FAF1: variants seen among roughly 807,000 people sequenced by gnomAD.
The protein encoded by FAF1 is Fas associated factor 1, also known as FAS-associated factor 1.
Under a neutral mutation model 92.5 loss-of-function variants are expected in FAF1, and 25 were observed. That is an observed-to-expected ratio of 0.27 (90% CI 0.20 to 0.38). The LOEUF (loss-of-function observed/expected upper bound fraction) is 0.38. FAF1 is among the 10% of genes least tolerant of loss of function. FAF1 has a pLI of 1.00. For missense variants in FAF1, 636 were observed against 793.3 expected (o/e 0.80, Z 2.38); for synonymous variants, 234 against 273.2 (o/e 0.86, Z 1.42).
At chr1:50,507,330 A>G (rs1472416099) in intron 15 of FAF1, among the ~76,000 whole-genome samples, 1 of 152,202 alleles carries the variant, frequency 6.6e-6, no homozygotes, top group Non-Finnish European at 1.5e-5. Flanking sequence ...TCTGCCCCCA[A>G]AGCTAAATTG....
At chr1:50,720,199 G>A (rs1348715802) in intron 6 of FAF1, among the ~76,000 whole-genome samples, 1 of 151,950 alleles carries the variant, frequency 6.6e-6, no homozygotes, top group Non-Finnish European at 1.5e-5. Context: ...ACGGGGGTTT[G>A]CCATGTTGGC....
intron 7 of FAF1, among the ~76,000 whole-genome samples, chr1:50,692,240 A>AGTGTGTGTGTGTGT (rs1557478161): frequency 1.5e-5 from 1 of 66,880 alleles, no homozygotes; most frequent in African/African-American, 5.7e-5. Context: ...TGAAGTATTT[A>AGTGTGTGTGTGTGT]CTGTGTGTGT....
intron 15 of FAF1, among the ~76,000 whole-genome samples, chr1:50,501,361 T>C (rs1646981747): frequency 1.3e-5 from 2 of 152,072 alleles, no homozygotes; most frequent in Admixed American, 1.3e-4. Context: ...TATTAGAATG[T>C]CTCAGTTTAA....
chr1:50,508,775 C>A (rs1198442075), intron 15 of FAF1, among the ~76,000 whole-genome samples: 1 of 152,220 alleles, frequency 6.6e-6, no homozygotes, highest in Non-Finnish European at 1.5e-5. Flanking sequence ...AATCTCAGCT[C>A]ACTGCAACCT....
intron 7 of FAF1, among the ~76,000 whole-genome samples, chr1:50,661,590 C>T (rs764147278): frequency 7.9e-5 from 12 of 152,000 alleles, no homozygotes; most frequent in Non-Finnish European, 1.8e-4. Context: ...GAGCTTAGAC[C>T]GAATTTTAAA....
At chr1:50,815,027 T>A (rs965789517) in intron 2 of FAF1, among the ~76,000 whole-genome samples, 1 of 152,192 alleles carries the variant, frequency 6.6e-6, no homozygotes, top group Non-Finnish European at 1.5e-5. Context: ...CACTTCTGGG[T>A]ATACAATAAA....
chr1:50,507,144 C>G (rs1002350791), intron 15 of FAF1, among the ~76,000 whole-genome samples: 4 of 152,140 alleles, frequency 2.6e-5, no homozygotes, highest in African/African-American at 9.7e-5. Flanking sequence ...GGGCAGGGCA[C>G]TTAGTAGGTA....
intron 13 of FAF1, among the ~76,000 whole-genome samples, chr1:50,561,654 C>T (rs940258021): frequency 6.6e-6 from 1 of 152,092 alleles, no homozygotes; most frequent in African/African-American, 2.4e-5. Context: ...GGTGAAACCC[C>T]ATCTCTACCA....
intron 18 of FAF1, among the ~76,000 whole-genome samples, chr1:50,473,787 A>ATCC (rs780453268): frequency 4.6e-4 from 70 of 152,270 alleles, no homozygotes; most frequent in South Asian, 8.3e-4. Flanking sequence ...AAGTGGCAAG[A>ATCC]TCCTCATTCC....
At chr1:50,663,003 G>A (rs899732957) in intron 7 of FAF1, among the ~76,000 whole-genome samples, 1 of 151,566 alleles carries the variant, frequency 6.6e-6, no homozygotes, top group Non-Finnish European at 1.5e-5. Context: ...CCATGAATTT[G>A]TATCTTTAGT....
intron 2 of FAF1, among the ~76,000 whole-genome samples, chr1:50,847,887 A>C (rs549005984): frequency 2.8e-4 from 43 of 151,682 alleles, no homozygotes; most frequent in Admixed American, 7.3e-4. Flanking sequence ...ATGCACACAT[A>C]TACACACACA....
intron 18 of FAF1, among the ~76,000 whole-genome samples, chr1:50,446,405 C>T (rs965705310): frequency 6.6e-6 from 1 of 152,206 alleles, no homozygotes; most frequent in African/African-American, 2.4e-5. Flanking sequence ...ATGCTCAAAA[C>T]AAATGCTCTT....
chr1:50,477,479 A>AT (rs761426071), intron 17 of FAF1, among the ~76,000 whole-genome samples: 15 of 152,326 alleles, frequency 9.8e-5, no homozygotes, highest in Non-Finnish European at 1.0e-4. Flanking sequence ...TACAGTTAAA[A>AT]ATATATTTTT....
At chr1:50,787,975 G>T in intron 4 of FAF1, 25 bp downstream of exon 4, 1 of 1,574,738 alleles carries the variant, frequency 6.4e-7, no homozygotes, top group South Asian at 1.1e-5. Flanking sequence ...TATTTGTGAA[G>T]GCTTTATGGC....
intron 13 of FAF1, among the ~76,000 whole-genome samples, chr1:50,542,625 A>G (rs977914599): frequency 1.3e-5 from 2 of 152,256 alleles, no homozygotes; most frequent in East Asian, 1.9e-4. Context: ...TAGATGTCAT[A>G]AAGTGATAAA....
chr1:50,680,263 C>A (rs1290468091), intron 7 of FAF1, among the ~76,000 whole-genome samples: 1 of 152,072 alleles, frequency 6.6e-6, no homozygotes, highest in East Asian at 1.9e-4. Flanking sequence ...GGTTTGTTCC[C>A]TGCTATACCT....
At chr1:50,847,956 A>G (rs950208872) in intron 2 of FAF1, among the ~76,000 whole-genome samples, 4 of 152,032 alleles carry the variant, frequency 2.6e-5, no homozygotes, top group African/African-American at 9.7e-5. Context: ...ACAAAGAAAC[A>G]TCTTAAAAAA....
At chr1:50,643,803 G>A (rs942093836) in intron 8 of FAF1, among the ~76,000 whole-genome samples, 2 of 152,144 alleles carry the variant, frequency 1.3e-5, no homozygotes, top group Non-Finnish European at 2.9e-5. Flanking sequence ...ATGTTGGCCA[G>A]GCTGGTCTCA....
chr1:50,820,310 T>C (rs1644031962), intron 2 of FAF1, among the ~76,000 whole-genome samples: 1 of 152,206 alleles, frequency 6.6e-6, no homozygotes, highest in South Asian at 2.1e-4. Flanking sequence ...ACCCATGTGA[T>C]GTTGGTGATG....
Sources: allele counts gnomAD v4.1 joint callset (sites outside exome capture counted in the v4.1 genomes callset), GRCh38; gene constraint gnomAD v4.1.1; transcripts MANE v1.5; gene names NCBI Gene and HGNC (gene_info 2026-07-23, HGNC 2026-07-21).